The following OLA1 variants were observed in gnomAD, a reference collection of about 807,000 sequenced individuals.
OLA1 encodes the protein obg-like ATPase 1.
A neutral mutation model predicts 48.4 loss-of-function variants in OLA1; 14 were observed. That is an observed-to-expected ratio of 0.29 (90% CI 0.19 to 0.45). OLA1 has a LOEUF of 0.45. OLA1 is among the 20% of genes least tolerant of loss of function. OLA1 has a pLI of 1.00. For missense variants in OLA1, 325 were observed against 467.1 expected (o/e 0.70, Z 2.80); for synonymous variants, 127 against 150.4 (o/e 0.84, Z 1.14).
At chr2:174,174,429 T>G (rs185667277) in intron 4 of OLA1, among the ~76,000 whole-genome samples, 2 of 152,012 alleles carry the variant, frequency 1.3e-5, no homozygotes, top group Non-Finnish European at 2.9e-5. Context: ...AAAAACCAGA[T>G]CATTCCAATA....
At chr2:174,200,451 C>T (rs1460751678) in intron 4 of OLA1, among the ~76,000 whole-genome samples, 1 of 152,090 alleles carries the variant, frequency 6.6e-6, no homozygotes, top group African/African-American at 2.4e-5. Flanking sequence ...GGACACTTGG[C>T]TATTTCCAGA....
In OLA1 at chr2:174,139,444, C is replaced by G. The variant is rs933371067; in HGVS notation, c.549+2381G>C. ...CATTGTTGTTTAAAGTCATCCTGTT[C>G]ATGGTGCTTGTTACAGCAACCCTAG... On this transcript the variant is annotated intron_variant, in intron 5 of 10. Transcript: ENST00000284719. Among the ~76,000 whole-genome samples, 20 of 152,218 alleles carry G rather than the reference C, an allele frequency of 1.3e-4. 1 individual carries two copies. Among genetic ancestry groups the G allele is most frequent in the African/African-American group, 4.8e-4 (20 of 41,448 alleles).
At chr2:174,130,648 A>C (rs1166519760) in intron 5 of OLA1, among the ~76,000 whole-genome samples, 6 of 152,180 alleles carry the variant, frequency 3.9e-5, no homozygotes. Context: ...GCATTTTACC[A>C]TGTTTGAGGA....
chr2:174,192,939 A>G (rs1687805066), intron 4 of OLA1, among the ~76,000 whole-genome samples: 2 of 152,006 alleles, frequency 1.3e-5, no homozygotes, highest in Admixed American at 1.3e-4. Flanking sequence ...TTTCATTTTA[A>G]GCAGCTTGAA....
Position 174,079,185 on chromosome 2 carries a change from T to C in OLA1, c.967-95A>G, listed in dbSNP as rs113412091. 1,253 of 1,000,382 alleles carry C rather than the reference T, an allele frequency of 1.3e-3. 9 individuals carry two copies. In the African/African-American group the frequency reaches 0.018, roughly 14 times the overall value. 62.0% of individuals were successfully genotyped at this position (1,000,382 alleles called of 1,614,324 possible). On this transcript the variant is annotated intron_variant, in intron 9 of 10. Coordinates refer to ENST00000284719, the MANE Select transcript of OLA1 (RefSeq NM_013341.5). ...TCTCTGATCTGCAGTTGGGCTCAAC[T>C]AGAACTTAGTTTAATATCTGTTAAG...
At chr2:174,170,294 G>A (rs1687266764) in intron 4 of OLA1, among the ~76,000 whole-genome samples, 1 of 152,158 alleles carries the variant, frequency 6.6e-6, no homozygotes, top group South Asian at 2.1e-4. Flanking sequence ...AAGGGCACCT[G>A]TAAACAAACT....
intron 7 of OLA1, among the ~76,000 whole-genome samples, chr2:174,090,905 C>T (rs756059618): frequency 2.4e-4 from 36 of 152,304 alleles, no homozygotes; most frequent in Middle Eastern, 3.4e-3. Flanking sequence ...ATAAGAATCT[C>T]CTTGAGAGCC....
chr2:174,214,012 A>C (rs1020654178), intron 4 of OLA1, among the ~76,000 whole-genome samples: 2 of 151,720 alleles, frequency 1.3e-5, no homozygotes, highest in East Asian at 3.8e-4. Flanking sequence ...TTCACCAAAA[A>C]AAAAACCCAA....
intron 4 of OLA1, among the ~76,000 whole-genome samples, chr2:174,177,196 G>GATC (rs1162921518): frequency 6.6e-6 from 1 of 152,128 alleles, no homozygotes; most frequent in African/African-American, 2.4e-5. Flanking sequence ...GTAATTCTAT[G>GATC]ATCATCAAGC....
intron 4 of OLA1, among the ~76,000 whole-genome samples, chr2:174,149,200 T>C (rs1686687071): frequency 6.6e-6 from 1 of 152,242 alleles, no homozygotes; most frequent in Non-Finnish European, 1.5e-5. Flanking sequence ...TTAATGATTT[T>C]AAATCTAACA....
intron 4 of OLA1, among the ~76,000 whole-genome samples, chr2:174,167,249 A>T (rs1687187523): frequency 6.6e-6 from 1 of 152,164 alleles, no homozygotes; most frequent in Non-Finnish European, 1.5e-5. Flanking sequence ...GAGAGATAGG[A>T]CTCTGGCACA....
chr2:174,143,287 A>T (rs1408710856), intron 4 of OLA1, among the ~76,000 whole-genome samples: 4 of 152,310 alleles, frequency 2.6e-5, no homozygotes, highest in African/African-American at 9.6e-5. Context: ...ATGAGGAGCT[A>T]TATTATGTTT....
chr2:174,154,450 A>AT (rs1350582387), intron 4 of OLA1, among the ~76,000 whole-genome samples: 1 of 151,976 alleles, frequency 6.6e-6, no homozygotes, highest in Non-Finnish European at 1.5e-5. Flanking sequence ...CTGTCACTGT[A>AT]TTTTTTTCCC....
intron 8 of OLA1, 38 bp downstream of exon 8, chr2:174,081,886 T>G (rs774588219): frequency 1.3e-6 from 2 of 1,596,262 alleles, no homozygotes; most frequent in African/African-American, 1.3e-5. Context: ...AAGGAAATAG[T>G]TGATAATAAA....
rs544387850 is a variant in OLA1, at chr2:174,142,202, A to G, written c.374-202T>C. Among the ~76,000 whole-genome samples the G allele has an allele frequency of 2.6e-5, 4 of 152,338 alleles. No homozygotes were observed. The East Asian group carries it at 7.7e-4, about 29-fold the overall frequency. On this transcript the variant is annotated intron_variant, in intron 4 of 10. Coordinates refer to ENST00000284719, the MANE Select transcript of OLA1 (RefSeq NM_013341.5). Reference sequence around the variant, plus strand: ...ATAAAACTATAGTTCAAGAGCCTCCATATTTCAAAAATTGATTTAAATAAA... The same window carrying G: ...ATAAAACTATAGTTCAAGAGCCTCCGTATTTCAAAAATTGATTTAAATAAA...
At chr2:174,115,600 C>CT (rs1057389556) in intron 7 of OLA1, among the ~76,000 whole-genome samples, 1 of 152,046 alleles carries the variant, frequency 6.6e-6, no homozygotes, top group African/African-American at 2.4e-5. Context: ...CATTTTATTC[C>CT]TTTTTGATGG....
chr2:174,150,704 C>G (rs959006817), intron 4 of OLA1, among the ~76,000 whole-genome samples: 1 of 152,168 alleles, frequency 6.6e-6, no homozygotes, highest in Admixed American at 6.5e-5. Context: ...TTGGAGAAAG[C>G]CTCCTTATAT....
intron 4 of OLA1, among the ~76,000 whole-genome samples, chr2:174,186,258 T>C (rs534908585): frequency 6.6e-6 from 1 of 152,248 alleles, no homozygotes; most frequent in Non-Finnish European, 1.5e-5. Context: ...CTTAAGTTTG[T>C]ATGGAAAAAA....
At chr2:174,167,122 C>CAAAAAAAAAAAA (rs1047000301) in intron 4 of OLA1, among the ~76,000 whole-genome samples, 1 of 138,764 alleles carries the variant, frequency 7.2e-6, no homozygotes. Flanking sequence ...CTATCCTCAG[C>CAAAAAAAAAAAA]AAAAAAAAAA....
Sources: allele counts gnomAD v4.1 joint callset (sites outside exome capture counted in the v4.1 genomes callset), GRCh38; gene constraint gnomAD v4.1.1; transcripts MANE v1.5; gene names NCBI Gene and HGNC (gene_info 2026-07-23, HGNC 2026-07-21).